ERICH3: variants seen among roughly 807,000 people sequenced by gnomAD.
The protein encoded by ERICH3 is glutamate-rich protein 3.
Under a neutral mutation model 131.1 loss-of-function variants are expected in ERICH3, and 126 were observed. That is an observed-to-expected ratio of 0.96 (90% CI 0.83 to 1.11). The LOEUF (loss-of-function observed/expected upper bound fraction) is 1.11. ERICH3 is among the 50% of genes most tolerant of loss of function. The probability of loss-of-function intolerance (pLI) is 0.00; values close to 1 mark genes in which losing one functional copy is unlikely to be tolerated. For synonymous variants in ERICH3, 695 were observed against 644.6 expected, an observed-to-expected ratio of 1.08 and a Z score of -1.18; for missense variants, 2,050 against 1,810.7, an observed-to-expected ratio of 1.13 and a Z score of -2.40.
intron 12 of ERICH3, among the ~76,000 whole-genome samples, chr1:74,585,916 C>A (rs1647305112): frequency 6.6e-6 from 1 of 151,852 alleles, no homozygotes. Context: ...AAACATTAGC[C>A]CCCCAACTGT....
intron 8 of ERICH3, among the ~76,000 whole-genome samples, chr1:74,613,542 T>C (rs533450706): frequency 1.3e-5 from 2 of 152,296 alleles, no homozygotes; most frequent in African/African-American, 4.8e-5. Flanking sequence ...TTTAAAATGC[T>C]TTTATTTTTA....
At chr1:74,579,663 A>G (rs1220537077) in intron 12 of ERICH3, 6 of 985,316 alleles carry the variant, frequency 6.1e-6, no homozygotes, top group Non-Finnish European at 7.2e-6. Context: ...TAAAAGCAAG[A>G]ACTTGGCTGG....
At chr1:74,607,102 TAAAC>T (rs1333359620) in intron 9 of ERICH3, among the ~76,000 whole-genome samples, 200 bp from the exon 10 acceptor site, 3 of 151,998 alleles carry the variant, frequency 2.0e-5, no homozygotes, top group Non-Finnish European at 4.4e-5. Flanking sequence ...TAAAATCTTG[TAAAC>T]AAACAACAAA....
rs759752512 is a variant in ERICH3, at chr1:74,571,362, C to T, written c.4348G>A (p.Glu1450Lys). 4 of 1,614,068 alleles carry T rather than the reference C, an allele frequency of 2.5e-6. No individual in the cohort carries two copies. Among genetic ancestry groups the T allele is most frequent in the African/African-American group, 1.3e-5 (1 of 75,014 alleles). Residue 1450 changes from glutamate (E) to lysine (K), a missense_variant, in exon 14 of 15, where the codon GAA (glutamate) becomes AAA (lysine). Transcript: ENST00000326665. Reference protein sequence around the residue: ...KTSGLGQEQEEGSEGQEAATG... With the variant: ...KTSGLGQEQEKGSEGQEAATG... ...GCTGCCTCCTGGCCCTCTGACCCTTCCTCTTGCTCCTGTCCTAGCCCTGAG... is the reference window on the plus strand; with the variant it reads ...GCTGCCTCCTGGCCCTCTGACCCTTTCTCTTGCTCCTGTCCTAGCCCTGAG...
intron 1 of ERICH3, among the ~76,000 whole-genome samples, chr1:74,667,677 G>C (rs941339252): frequency 6.6e-6 from 1 of 152,144 alleles, no homozygotes; most frequent in Non-Finnish European, 1.5e-5. Flanking sequence ...AACCTAGCAT[G>C]GATTTATTAA....
At chr1:74,628,373 C>T (rs570126576) in intron 7 of ERICH3, among the ~76,000 whole-genome samples, 128 of 151,962 alleles carry the variant, frequency 8.4e-4, no homozygotes, top group African/African-American at 3.0e-3. Context: ...CACGGGTGGA[C>T]GATTCATTTC....
chr1:74,600,992 T>C (rs1170572735), intron 10 of ERICH3, among the ~76,000 whole-genome samples: 1 of 151,740 alleles, frequency 6.6e-6, no homozygotes, highest in Non-Finnish European at 1.5e-5. Flanking sequence ...CCTGTGCATA[T>C]GCAGAAAGCT....
chr1:74,646,198 G>A lies in ERICH3; in HGVS notation c.243+469C>T, dbSNP rs190749684. On this transcript the variant is annotated intron_variant, in intron 3 of 14. Coordinates refer to ENST00000326665, the MANE Select transcript of ERICH3 (RefSeq NM_001002912.5). The stretch of plus-strand genomic sequence containing the variant: ...GCCTATTCCTTGAAATGTAACATAC[G>A]GCTGAGCTTCAGAGCCTTAAAAGAA... 8.3e-4 allele frequency among the ~76,000 whole-genome samples: 127 copies of A among 152,120 alleles called. 1 individual carries two copies. The highest frequency in any genetic ancestry group is 2.9e-3 in the African/African-American group (120 of 41,522).
intron 5 of ERICH3, 92 bp downstream of exon 5, chr1:74,641,239 G>C: frequency 6.9e-7 from 1 of 1,441,738 alleles, no homozygotes; most frequent in Non-Finnish European, 9.4e-7. Flanking sequence ...GCATTACGGA[G>C]TCATGCTCCC....
chr1:74,639,800 TAAAA>T (rs896272626), intron 5 of ERICH3, among the ~76,000 whole-genome samples: 1 of 151,982 alleles, frequency 6.6e-6, no homozygotes, highest in Non-Finnish European at 1.5e-5. Context: ...TTAAAAAAGT[TAAAA>T]AAGAAAAAAA....
Position 74,571,650 on chromosome 1 carries a change from C to CG in ERICH3, c.4059dup (p.Ala1354ArgfsTer21). 6.2e-7 allele frequency: 1 copy of CG among 1,614,166 alleles called. No individual in the cohort carries two copies. Among genetic ancestry groups the CG allele is most frequent in the Non-Finnish European group, 8.5e-7 (1 of 1,180,018 alleles). On this transcript the variant is annotated frameshift_variant, in exon 14 of 15. Transcript: ENST00000326665. LOFTEE classifies it high-confidence loss of function. ...CCTGCCAACACCTCCCTCTCCTCTG[C>CG]GGCTGTTTCTGCCGTTTCACCACCT...
rs1024261043 is a variant in ERICH3, at chr1:74,588,222, G to A, written c.2176+1409C>T. On this transcript the variant is annotated intron_variant, in intron 12 of 14. Transcript: ENST00000326665. Reference sequence around the variant, plus strand: ...TTAACCTTTAAAGTTTCTCAAATACGTTCTTCGTGAAAACTTTCAAGGTGT... The same window carrying A: ...TTAACCTTTAAAGTTTCTCAAATACATTCTTCGTGAAAACTTTCAAGGTGT... Among the ~76,000 whole-genome samples, 6 of 152,188 alleles carry A rather than the reference G, an allele frequency of 3.9e-5. 1 individual carries two copies. The highest frequency in any genetic ancestry group is 4.2e-4 in the South Asian group (2 of 4,818).
intron 6 of ERICH3, among the ~76,000 whole-genome samples, chr1:74,634,020 C>A (rs1646365081): frequency 1.3e-5 from 2 of 152,062 alleles, no homozygotes; most frequent in South Asian, 4.1e-4. Flanking sequence ...CAAAGTTCAA[C>A]CTACTTCTAT....
chr1:74,572,783 C>T lies in ERICH3; in HGVS notation c.2927G>A (p.Gly976Glu), dbSNP rs1428015764. The T allele has an allele frequency of 1.1e-5, 18 of 1,613,920 alleles. No homozygotes were observed. The highest frequency in any genetic ancestry group is 1.5e-5 in the Non-Finnish European group (18 of 1,179,982). The change falls in exon 14 of 15, where the codon GGG becomes GAG. Residue 976 changes from glycine to glutamate, a missense_variant. By Grantham distance (98) the Gly-to-Glu change is moderately conservative. Transcript: ENST00000326665. ...REDGSEEAILGGEEPAKERKE... is the reference protein window; with the variant it reads ...REDGSEEAILEGEEPAKERKE... ...TCTCTCTTTGGCTGGTTCCTCTCCC[C>T]CAAGAATTGCCTCTTCAGAACCGTC...
At chr1:74,610,463 C>T (rs1050371781) in intron 9 of ERICH3, among the ~76,000 whole-genome samples, 2 of 149,910 alleles carry the variant, frequency 1.3e-5, no homozygotes, top group African/African-American at 4.9e-5. Context: ...GCTTATACCC[C>T]CAATTGAGTC....
rs1648407898 is a variant in ERICH3 at position 74,606,664 on chromosome 1, T to C, written c.1426A>G (p.Thr476Ala). 6.2e-7 allele frequency: 1 copy of C among 1,613,090 alleles called. No homozygotes were observed. Among genetic ancestry groups the C allele is most frequent in the South Asian group, 1.1e-5 (1 of 90,976 alleles). The change falls in exon 10 of 15, where the codon ACA (threonine) becomes GCA (alanine). Residue 476 changes from threonine to alanine, a missense_variant. Coordinates refer to ENST00000326665, the MANE Select transcript of ERICH3 (RefSeq NM_001002912.5). ...TCTTGTCCTGGTTTTCCTTTACTTG[T>C]CATTTCCTCCACAGCAGTTACCACT... ...KEVVTAVEEM[T>A]SKGKPGQEVL...
In ERICH3 at chr1:74,590,000, T is replaced by TGCA; in HGVS notation, c.1806_1807insTGC (p.Asp602_Arg603insCys). ...GTGCTGCTGTCAGTGTGGGCTTCCCTGTCCCCCACTGCAGATTCATCCTCA... is the reference window on the plus strand; with the variant it reads ...GTGCTGCTGTCAGTGTGGGCTTCCCTGCAGTCCCCCACTGCAGATTCATCCTCA... On this transcript the variant is annotated inframe_insertion, in exon 12 of 15. Coordinates refer to ENST00000326665, the MANE Select transcript of ERICH3 (RefSeq NM_001002912.5). 6.2e-7 allele frequency: 1 copy of TGCA among 1,613,932 alleles called. No homozygotes were observed. The highest frequency in any genetic ancestry group is 1.1e-5 in the South Asian group (1 of 91,086).
At chr1:74,647,599 A>G (rs555973940) in intron 2 of ERICH3, among the ~76,000 whole-genome samples, 1 of 152,052 alleles carries the variant, frequency 6.6e-6, no homozygotes, top group Non-Finnish European at 1.5e-5. Context: ...CTGTGGGCAT[A>G]TTTGTTGATT....
intron 1 of ERICH3, among the ~76,000 whole-genome samples, chr1:74,659,860 G>A (rs1483883211): frequency 6.6e-6 from 1 of 152,178 alleles, no homozygotes; most frequent in Non-Finnish European, 1.5e-5. Context: ...GGGGACAGAA[G>A]TACTATCTGG....
Sources: gnomAD v4.1 joint callset for allele counts (sites outside exome capture counted in the v4.1 genomes callset) on GRCh38, gnomAD v4.1.1 for gene constraint, MANE v1.5 for transcripts, NCBI Gene and HGNC (gene_info 2026-07-23, HGNC 2026-07-21) for gene names.